RSRC1: variants seen among roughly 807,000 people sequenced by gnomAD.
RSRC1 encodes the protein arginine and serine rich coiled-coil 1, also known as serine/Arginine-related protein 53.
Under a neutral mutation model 49.1 loss-of-function variants are expected in RSRC1, and 39 were observed. The ratio of observed to expected loss-of-function variants is 0.79; its 90% CI spans 0.61 to 1.04. The LOEUF is 1.04. RSRC1 is among the 50% of genes least tolerant of loss of function. RSRC1 has a pLI of 0.00. For synonymous variants in RSRC1, 143 were observed against 130.8 expected (o/e 1.09, Z -0.63); for missense variants, 388 against 402.4 (o/e 0.96, Z 0.31).
intron 3 of RSRC1, among the ~76,000 whole-genome samples, chr3:158,196,753 G>C (rs1040048752): frequency 3.3e-5 from 5 of 152,144 alleles, no homozygotes; most frequent in South Asian, 4.1e-4. Flanking sequence ...TGTGTATTGA[G>C]ATAATCATGT....
intron 4 of RSRC1, among the ~76,000 whole-genome samples, chr3:158,221,578 C>T (rs570432437): frequency 2.0e-5 from 3 of 151,462 alleles, no homozygotes; most frequent in South Asian, 2.1e-4. Context: ...ATTAGGAGTT[C>T]GTAAGTCATT....
At chr3:158,148,090 G>T (rs1380804422) in intron 3 of RSRC1, among the ~76,000 whole-genome samples, 2 of 152,132 alleles carry the variant, frequency 1.3e-5, no homozygotes, top group African/African-American at 4.8e-5. Flanking sequence ...TATTAAACGT[G>T]GTACAGGTAA....
chr3:158,289,699 C>A (rs557818200), intron 4 of RSRC1, among the ~76,000 whole-genome samples: 2 of 152,198 alleles, frequency 1.3e-5, no homozygotes, highest in South Asian at 4.1e-4. Flanking sequence ...TCTAACCAAA[C>A]CTGAGAAGCA....
intron 7 of RSRC1, among the ~76,000 whole-genome samples, chr3:158,475,536 AT>A (rs1252706530): frequency 2.6e-5 from 4 of 152,062 alleles, no homozygotes; most frequent in African/African-American, 9.7e-5. Context: ...TCTTTGTCAC[AT>A]TTTGGTAATT....
chr3:158,543,130 A>T (rs961136972), intron 8 of RSRC1, among the ~76,000 whole-genome samples: 1 of 152,072 alleles, frequency 6.6e-6, no homozygotes, highest in Non-Finnish European at 1.5e-5. Context: ...ATATTCCTAA[A>T]TATAGTTATT....
chr3:158,312,965 A>G (rs1728211527), intron 5 of RSRC1, among the ~76,000 whole-genome samples: 1 of 152,148 alleles, frequency 6.6e-6, no homozygotes, highest in African/African-American at 2.4e-5. Context: ...CCTAACAGAG[A>G]TATAAACCTA....
At chr3:158,153,022 A>G (rs1174460045) in intron 3 of RSRC1, among the ~76,000 whole-genome samples, 1 of 152,172 alleles carries the variant, frequency 6.6e-6, no homozygotes, top group Non-Finnish European at 1.5e-5. Flanking sequence ...TGCTCTGTAA[A>G]TTTCTCAGGT....
At chr3:158,494,757 C>T (rs1739238175) in intron 7 of RSRC1, among the ~76,000 whole-genome samples, 1 of 151,988 alleles carries the variant, frequency 6.6e-6, no homozygotes, top group Non-Finnish European at 1.5e-5. Context: ...CATACGTTAG[C>T]CTAAGCTTTC....
intron 6 of RSRC1, among the ~76,000 whole-genome samples, chr3:158,405,069 G>C (rs1329815142): frequency 6.6e-6 from 1 of 152,008 alleles, no homozygotes; most frequent in African/African-American, 2.4e-5. Flanking sequence ...TATTCTGGTA[G>C]AGAAAAATCA....
intron 3 of RSRC1, among the ~76,000 whole-genome samples, chr3:158,190,227 A>T (rs2108263140): frequency 6.6e-6 from 1 of 152,122 alleles, no homozygotes; most frequent in South Asian, 2.1e-4. Context: ...CTCAGGGTTA[A>T]TTATGGGTAG....
chr3:158,523,319 A>G (rs1489917806), intron 7 of RSRC1, among the ~76,000 whole-genome samples: 2 of 152,066 alleles, frequency 1.3e-5, no homozygotes, highest in Non-Finnish European at 2.9e-5. Context: ...TGAAATGAAA[A>G]CAACCTTGAA....
intron 4 of RSRC1, among the ~76,000 whole-genome samples, chr3:158,272,073 A>G (rs1725549315): frequency 6.6e-6 from 1 of 152,190 alleles, no homozygotes; most frequent in East Asian, 1.9e-4. Context: ...GCCTAAAGGA[A>G]TAGAGGAAGT....
intron 7 of RSRC1, among the ~76,000 whole-genome samples, chr3:158,487,237 A>G (rs931290706): frequency 3.3e-5 from 5 of 152,214 alleles, no homozygotes; most frequent in African/African-American, 1.2e-4. Flanking sequence ...GTAGTCATGT[A>G]CCTATATTGA....
At chr3:158,283,373 C>CA (rs1056402824) in intron 4 of RSRC1, among the ~76,000 whole-genome samples, 1 of 150,950 alleles carries the variant, frequency 6.6e-6, no homozygotes, top group African/African-American at 2.4e-5. Context: ...TTAGAATGAA[C>CA]AAAAAAAGTA....
rs1737577838 is a variant in RSRC1 at position 158,460,977 on chromosome 3, A to G, written c.626A>G (p.Glu209Gly). ...TTGAAAGCCAAAGAAAGAAATGAGGAAGAAGCAAAGAGAAGAAAGGAGGAA... is the reference window on the plus strand; with the variant it reads ...TTGAAAGCCAAAGAAAGAAATGAGGGAGAAGCAAAGAGAAGAAAGGAGGAA... ...EALKAKERNE[E>G]EAKRRKEEDQ... Residue 209 changes from glutamate (E) to glycine (G), a missense_variant, in exon 7 of 10, where the codon GAA (glutamate) becomes GGA (glycine). Physicochemically the swap from Glu to Gly is moderately conservative, Grantham distance 98. Coordinates refer to ENST00000611884, the MANE Select transcript of RSRC1 (RefSeq NM_001271838.2). The G allele has an allele frequency of 6.3e-7, 1 of 1,599,714 alleles. No homozygotes were observed. The highest frequency in any genetic ancestry group is 2.3e-5 in the East Asian group (1 of 44,130).
At chr3:158,411,606 C>T (rs1734469458) in intron 6 of RSRC1, among the ~76,000 whole-genome samples, 1 of 151,890 alleles carries the variant, frequency 6.6e-6, no homozygotes, top group Admixed American at 6.6e-5. Context: ...CAGCCTTGAA[C>T]TGCTAAGCTC....
intron 3 of RSRC1, among the ~76,000 whole-genome samples, chr3:158,180,804 CTT>C (rs71144445): frequency 9.3e-5 from 10 of 107,386 alleles, no homozygotes; most frequent in Admixed American, 1.1e-4. Flanking sequence ...GGATTATATG[CTT>C]TTTTTTTTTT....
At chr3:158,503,895 C>T (rs1739728671) in intron 7 of RSRC1, among the ~76,000 whole-genome samples, 1 of 152,138 alleles carries the variant, frequency 6.6e-6, no homozygotes, top group African/African-American at 2.4e-5. Context: ...GGCCAGGAGG[C>T]TTCCCATCCC....
At chr3:158,365,138 C>T (rs79150935) in intron 6 of RSRC1, among the ~76,000 whole-genome samples, 1 of 151,928 alleles carries the variant, frequency 6.6e-6, no homozygotes, top group East Asian at 1.9e-4. Context: ...AAGAATAGTG[C>T]TTTTATTTAT....
Sources: allele counts gnomAD v4.1 joint callset (sites outside exome capture counted in the v4.1 genomes callset), GRCh38; gene constraint gnomAD v4.1.1; transcripts MANE v1.5; gene names NCBI Gene and HGNC (gene_info 2026-07-23, HGNC 2026-07-21).